Variants in CEP128 observed in about 807,000 individuals in gnomAD.
CEP128 encodes centrosomal protein 128kDa.
In CEP128, 132 loss-of-function variants were observed where a neutral mutation model predicts 156.7. The observed-to-expected ratio is 0.84, with a 90% CI of 0.73 to 0.97. The LOEUF (loss-of-function observed/expected upper bound fraction) is 0.97. CEP128 is among the 50% of genes least tolerant of loss of function. CEP128 has a pLI of 0.00. For missense variants in CEP128, 1,252 were observed against 1,281.9 expected, an observed-to-expected ratio of 0.98 and a Z score of 0.36; for synonymous variants, 469 against 448.9, an observed-to-expected ratio of 1.04 and a Z score of -0.57.
At chr14:80,905,765 A>C in intron 5 of CEP128, 190 bp downstream of exon 5, 1 of 518,676 alleles carries the variant, frequency 1.9e-6, no homozygotes, top group Non-Finnish European at 3.2e-6. Flanking sequence ...GAAAAAAAAA[A>C]AAACAATATA....
intron 19 of CEP128, among the ~76,000 whole-genome samples, chr14:80,618,902 T>G (rs1161390931): frequency 6.6e-6 from 1 of 152,202 alleles, no homozygotes; most frequent in Non-Finnish European, 1.5e-5. Context: ...ATGCTACTGG[T>G]CGATAAACCA....
At chr14:80,836,794 A>G (rs1283879149) in intron 11 of CEP128, among the ~76,000 whole-genome samples, 1 of 152,020 alleles carries the variant, frequency 6.6e-6, no homozygotes, top group Admixed American at 6.6e-5. Context: ...TAAACTCTAA[A>G]CTCCTTGAAG....
chr14:80,616,378 A>T (rs970045100), intron 19 of CEP128, among the ~76,000 whole-genome samples: 1 of 152,134 alleles, frequency 6.6e-6, no homozygotes, highest in Admixed American at 6.5e-5. Flanking sequence ...TTATATAGAG[A>T]TGATTATTTT....
At chr14:80,721,835 T>C (rs1270896924) in intron 19 of CEP128, among the ~76,000 whole-genome samples, 3 of 151,230 alleles carry the variant, frequency 2.0e-5, no homozygotes, top group Non-Finnish European at 4.4e-5. Flanking sequence ...CGTTGCTTAA[T>C]AATTGTTTGA....
chr14:80,820,441 C>T (rs1300584798), intron 13 of CEP128, among the ~76,000 whole-genome samples: 1 of 152,220 alleles, frequency 6.6e-6, no homozygotes. Context: ...TACAATGCTA[C>T]AGTCTTTGTG....
At chr14:80,579,837 T>C (rs1403611622) in intron 20 of CEP128, among the ~76,000 whole-genome samples, 1 of 152,196 alleles carries the variant, frequency 6.6e-6, no homozygotes, top group Non-Finnish European at 1.5e-5. Flanking sequence ...TTCACATCCA[T>C]TGCTCATATC....
chr14:80,679,717 G>C (rs986387765), intron 19 of CEP128, among the ~76,000 whole-genome samples: 2 of 149,540 alleles, frequency 1.3e-5, no homozygotes, highest in Non-Finnish European at 2.9e-5. Flanking sequence ...TCAGAAGCAT[G>C]TGATCTTTGT....
chr14:80,665,287 C>A (rs1041652002), intron 19 of CEP128, among the ~76,000 whole-genome samples: 1 of 152,064 alleles, frequency 6.6e-6, no homozygotes, highest in Non-Finnish European at 1.5e-5. Context: ...TCAAAACTAC[C>A]AATATGAGAC....
chr14:80,893,463 C>A, intron 8 of CEP128, among the ~76,000 whole-genome samples: 1 of 148,584 alleles, frequency 6.7e-6, no homozygotes, highest in Non-Finnish European at 1.5e-5. Context: ...ATATGGGATT[C>A]ATGCTAAGTA....
chr14:80,747,372 T>A (rs993731184), intron 18 of CEP128, among the ~76,000 whole-genome samples: 4 of 152,174 alleles, frequency 2.6e-5, no homozygotes, highest in African/African-American at 9.6e-5. Flanking sequence ...AAAAGTGGAG[T>A]ATATCCAAAC....
chr14:80,652,308 A>G (rs1053154868), intron 19 of CEP128, among the ~76,000 whole-genome samples: 2 of 152,194 alleles, frequency 1.3e-5, no homozygotes, highest in South Asian at 2.1e-4. Context: ...CTAAAATACC[A>G]AAAGCAATGG....
intron 8 of CEP128, among the ~76,000 whole-genome samples, chr14:80,874,007 A>G (rs1319001832): frequency 6.6e-6 from 1 of 152,162 alleles, no homozygotes; most frequent in Non-Finnish European, 1.5e-5. Context: ...CTGTAAGTCC[A>G]TTAAACCTCT....
chr14:80,486,242 T>C (rs748774000), downstream of CEP128, among the ~76,000 whole-genome samples: 1 of 152,058 alleles, frequency 6.6e-6, no homozygotes, highest in East Asian at 1.9e-4. Context: ...CAGGAGCCGA[T>C]GTGATCAACT....
intron 19 of CEP128, among the ~76,000 whole-genome samples, chr14:80,676,203 C>T (rs1366117126): frequency 6.6e-6 from 1 of 151,980 alleles, no homozygotes; most frequent in African/African-American, 2.4e-5. Flanking sequence ...GTAGATCACC[C>T]TTTATTTACT....
chr14:80,574,298 G>A (rs575503050), intron 20 of CEP128, among the ~76,000 whole-genome samples: 85 of 152,254 alleles, frequency 5.6e-4, no homozygotes, highest in Non-Finnish European at 1.0e-3. Flanking sequence ...AAGCAATTCC[G>A]AGGGAACTCT....
At chr14:80,943,930 G>A (rs915043212), upstream of CEP128, among the ~76,000 whole-genome samples, 2 of 151,320 alleles carry the variant, frequency 1.3e-5, no homozygotes, top group African/African-American at 4.9e-5. Context: ...GGAGGTGGAG[G>A]TTGCAGTGAG....
rs146865179 is a variant in CEP128 at position 80,826,037 on chromosome 14, C to T, written c.1209+5106G>A. On this transcript the variant is annotated intron_variant, in intron 13 of 24. Coordinates refer to ENST00000555265, the MANE Select transcript of CEP128 (RefSeq NM_152446.5). ...AGGAGAATCACTTGAACCCAGGAGGCGGAGGTTGCAGTGAGCCGAGATCGC... is the reference window on the plus strand; with the variant it reads ...AGGAGAATCACTTGAACCCAGGAGGTGGAGGTTGCAGTGAGCCGAGATCGC... 4.4e-3 allele frequency among the ~76,000 whole-genome samples: 603 copies of T among 137,008 alleles called. 2 individuals are homozygous for T. The highest frequency in any genetic ancestry group is 0.015 in the African/African-American group (552 of 36,386). The allele number at this position is 137,008 out of a possible 152,430, so 89.9% of individuals were successfully genotyped here.
intron 19 of CEP128, among the ~76,000 whole-genome samples, chr14:80,653,404 T>C (rs1051533813): frequency 2.0e-5 from 3 of 152,062 alleles, no homozygotes; most frequent in Non-Finnish European, 4.4e-5. Flanking sequence ...GTCTCTATAA[T>C]ACAAAAATGC....
At chr14:80,886,991 G>A (rs2139348810) in intron 8 of CEP128, among the ~76,000 whole-genome samples, 1 of 152,270 alleles carries the variant, frequency 6.6e-6, no homozygotes, top group African/African-American at 2.4e-5. Context: ...CCTAGTCTCT[G>A]ATAAAACAGA....
Sources: gnomAD v4.1 joint callset for allele counts (sites outside exome capture counted in the v4.1 genomes callset) on GRCh38, gnomAD v4.1.1 for gene constraint, MANE v1.5 for transcripts, NCBI Gene and HGNC (gene_info 2026-07-23, HGNC 2026-07-21) for gene names.